COXFA4: variants seen among roughly 807,000 people sequenced by gnomAD.
COXFA4 encodes the protein cytochrome c oxidase subunit FA4.
At chr7:10,937,553 G>A in the COXFA4 span, among the ~76,000 whole-genome samples, 1 of 152,142 alleles carries the variant, frequency 6.6e-6, no homozygotes, top group African/African-American at 2.4e-5. Context: ...AAAGTGCTGG[G>A]ATTACAGGCA....
At chr7:10,933,999 T>A in the COXFA4 span, among the ~76,000 whole-genome samples, 1 of 152,200 alleles carries the variant, frequency 6.6e-6, no homozygotes, top group South Asian at 2.1e-4. Flanking sequence ...GAATTCCTTC[T>A]GATACATACT....
the COXFA4 span, chr7:10,938,316 G>A: frequency 1.7e-6 from 1 of 600,712 alleles, no homozygotes; most frequent in Admixed American, 3.1e-5. Context: ...GCAATCTCAT[G>A]TAATCAATTA....
At chr7:10,936,056 C>T in the COXFA4 span, among the ~76,000 whole-genome samples, 1 of 152,116 alleles carries the variant, frequency 6.6e-6, no homozygotes, top group African/African-American at 2.4e-5. Context: ...AATCTGATGT[C>T]AGTGGGCCAG....
chr7:10,936,896 G>A, the COXFA4 span, among the ~76,000 whole-genome samples: 1 of 152,074 alleles, frequency 6.6e-6, no homozygotes, highest in Non-Finnish European at 1.5e-5. Flanking sequence ...AATCAGCTGG[G>A]TGTGGTTGTG....
chr7:10,932,045 G>A, the COXFA4 span: 1 of 152,182 alleles, frequency 6.6e-6, no homozygotes, highest in Admixed American at 6.5e-5. Flanking sequence ...GGTAATTTGT[G>A]CCAAAGGATC....
chr7:10,938,279 T>A, the COXFA4 span: 2 of 781,146 alleles, frequency 2.6e-6, no homozygotes, highest in Non-Finnish European at 2.1e-6. Context: ...CATTATGAAG[T>A]TGAAACAGGT....
the COXFA4 span, chr7:10,938,916 G>C: frequency 1.0e-5 from 16 of 1,576,912 alleles, no homozygotes; most frequent in African/African-American, 9.4e-5. Context: ...ACACAAAATA[G>C]AATAACCATC....
chr7:10,939,646 A>T, the COXFA4 span: 1 of 288,694 alleles, frequency 3.5e-6, no homozygotes, highest in East Asian at 7.7e-5. Context: ...CAGAGATGGT[A>T]TAACACATAG....
chr7:10,935,857 A>G, the COXFA4 span, among the ~76,000 whole-genome samples: 1 of 151,990 alleles, frequency 6.6e-6, no homozygotes, highest in Admixed American at 6.5e-5. Flanking sequence ...TTTCACTCAC[A>G]TTATATGCCA....
chr7:10,933,322 GA>G, the COXFA4 span: 20 of 303,016 alleles, frequency 6.6e-5, no homozygotes, highest in African/African-American at 4.2e-4. Flanking sequence ...ACACAAAATG[GA>G]AGTGTTTTAC....
At chr7:10,940,001 C>A in the COXFA4 span, 4 of 1,613,678 alleles carry the variant, frequency 2.5e-6, no homozygotes, top group Admixed American at 1.7e-5. Flanking sequence ...ATTAGGAGAG[C>A]GGTCACGAAC....
chr7:10,933,726 T>G, the COXFA4 span: 1 of 1,507,564 alleles, frequency 6.6e-7, no homozygotes, highest in Non-Finnish European at 9.2e-7. Flanking sequence ...TTAAGTAATC[T>G]CAAATACACA....
chr7:10,938,031 C>T, the COXFA4 span: 3 of 1,453,962 alleles, frequency 2.1e-6, no homozygotes, highest in Non-Finnish European at 2.9e-6. Context: ...AAACCCACCC[C>T]ATGACAAAAC....
chr7:10,937,044 A>G, the COXFA4 span, among the ~76,000 whole-genome samples: 1 of 152,098 alleles, frequency 6.6e-6, no homozygotes, highest in Non-Finnish European at 1.5e-5. Context: ...TCCAACAACA[A>G]CAACAAAAAA....
chr7:10,937,650 T>C, the COXFA4 span, among the ~76,000 whole-genome samples: 1 of 152,092 alleles, frequency 6.6e-6, no homozygotes. Flanking sequence ...GAAGGTTATG[T>C]TTGGGGAATC....
At chr7:10,937,830 T>TA in the COXFA4 span, 1 of 474,142 alleles carries the variant, frequency 2.1e-6, no homozygotes, top group South Asian at 2.4e-5. Context: ...AACACTGTGT[T>TA]AGACTACCTA....
chr7:10,938,494 C>CA, the COXFA4 span: 8 of 412,670 alleles, frequency 1.9e-5, no homozygotes, highest in Admixed American at 3.2e-4. Context: ...CAAGTGAAGG[C>CA]AAAAAACATT....
At chr7:10,935,077 T>C in the COXFA4 span, among the ~76,000 whole-genome samples, 1 of 152,252 alleles carries the variant, frequency 6.6e-6, no homozygotes, top group Non-Finnish European at 1.5e-5. Context: ...CAATAACCCT[T>C]CTGATTCTTA....
the COXFA4 span, among the ~76,000 whole-genome samples, chr7:10,937,407 C>T: frequency 1.3e-4 from 19 of 151,866 alleles, no homozygotes; most frequent in African/African-American, 4.6e-4. Context: ...CTCAGCCTCC[C>T]GAGCAGCTGT....
Sources: gnomAD v4.1 joint callset for allele counts (sites outside exome capture counted in the v4.1 genomes callset) on GRCh38, gnomAD v4.1.1 for gene constraint, MANE v1.5 for transcripts, NCBI Gene and HGNC (gene_info 2026-07-23, HGNC 2026-07-21) for gene names.